Variants in SLC25A21 observed in about 807,000 individuals in gnomAD.
The protein encoded by SLC25A21 is mitochondrial 2-oxodicarboxylate carrier.
A neutral mutation model predicts 43.8 loss-of-function variants in SLC25A21; 47 were observed. The observed-to-expected ratio is 1.07, with a 90% CI of 0.85 to 1.37. The LOEUF (loss-of-function observed/expected upper bound fraction) is 1.37, where lower values mean the gene tolerates loss of function less well. SLC25A21 is among the 40% of genes most tolerant of loss of function. SLC25A21 has a pLI of 0.00. For missense variants in SLC25A21, 352 were observed against 350.2 expected (o/e 1.00, Z -0.04); for synonymous variants, 131 against 121.3 (o/e 1.08, Z -0.52).
chr14:36,892,889 T>G (rs1594673430), intron 1 of SLC25A21, among the ~76,000 whole-genome samples: 1 of 152,184 alleles, frequency 6.6e-6, no homozygotes, highest in African/African-American at 2.4e-5. Flanking sequence ...CATCCTTTTT[T>G]ATGGCTGCAT....
intron 3 of SLC25A21, among the ~76,000 whole-genome samples, chr14:36,747,271 G>A (rs1885536762): frequency 6.6e-6 from 1 of 152,044 alleles, no homozygotes; most frequent in Non-Finnish European, 1.5e-5. Flanking sequence ...ATGAGTGTGG[G>A]CTCTGGAGCC....
At chr14:36,894,090 G>C (rs1891167570) in intron 1 of SLC25A21, among the ~76,000 whole-genome samples, 2 of 152,144 alleles carry the variant, frequency 1.3e-5, no homozygotes, top group Non-Finnish European at 1.5e-5. Context: ...GTCATTGGTA[G>C]CTTGATGGGG....
chr14:37,090,187 G>C (rs1182589350), intron 1 of SLC25A21, among the ~76,000 whole-genome samples: 2 of 152,162 alleles, frequency 1.3e-5, no homozygotes, highest in African/African-American at 4.8e-5. Context: ...CTCCTTTAGG[G>C]CATCTGGGAA....
intron 1 of SLC25A21, among the ~76,000 whole-genome samples, chr14:37,070,038 T>C (rs1464809424): frequency 2.0e-5 from 3 of 152,222 alleles, no homozygotes; most frequent in Non-Finnish European, 4.4e-5. Flanking sequence ...ACCTGTGCCC[T>C]AGAATTCACA....
In SLC25A21 at chr14:36,767,572, G is replaced by C. The variant is rs76708040; in HGVS notation, c.204-32999C>G. ...CAAGAATCTGAAACTAGTTATTTTA[G>C]GGAGAAGGGAACCATCAAATCTTGA... is the stretch of plus-strand genomic sequence containing the variant. On this transcript the variant is annotated intron_variant, in intron 3 of 9. Transcript: ENST00000331299. 6.8e-3 allele frequency among the ~76,000 whole-genome samples: 1,030 copies of C among 152,298 alleles called. 15 individuals are homozygous for C. The highest frequency in any genetic ancestry group is 0.023 in the African/African-American group (970 of 41,562).
rs148923313 is a variant in SLC25A21 at position 36,882,244 on chromosome 14, G to A, written c.71-7240C>T. 1.3e-3 allele frequency among the ~76,000 whole-genome samples: 205 copies of A among 152,210 alleles called. 1 individual carries two copies. Among genetic ancestry groups the A allele is most frequent in the African/African-American group, 4.5e-3 (187 of 41,536 alleles). ...CAAAAAATACAAAAATTAGTCAGGCGTGGTGATGTGCACCTGTAGTCCCAG... is the reference window on the plus strand; with the variant it reads ...CAAAAAATACAAAAATTAGTCAGGCATGGTGATGTGCACCTGTAGTCCCAG... On this transcript the variant is annotated intron_variant, in intron 1 of 9. Transcript: ENST00000331299.
At chr14:37,101,791 C>A (rs77633084) in intron 1 of SLC25A21, among the ~76,000 whole-genome samples, 3,019 of 152,086 alleles carry the variant, frequency 0.02, 45 homozygotes, top group Non-Finnish European at 0.029. Context: ...AAAGAAAATG[C>A]ACTAAAATGT....
chr14:36,987,079 T>C (rs1021702984), intron 1 of SLC25A21, among the ~76,000 whole-genome samples: 1 of 152,296 alleles, frequency 6.6e-6, no homozygotes, highest in South Asian at 2.1e-4. Flanking sequence ...ACTCTGACTT[T>C]GTTCCTATCA....
At chr14:36,775,005 C>A (rs1594576300) in intron 3 of SLC25A21, among the ~76,000 whole-genome samples, 1 of 151,970 alleles carries the variant, frequency 6.6e-6, no homozygotes, top group South Asian at 2.1e-4. Context: ...TACTTATGTA[C>A]AATATAATTT....
At chr14:36,854,940 G>GGC (rs1555332565) in intron 2 of SLC25A21, among the ~76,000 whole-genome samples, 129 of 150,632 alleles carry the variant, frequency 8.6e-4, no homozygotes, top group African/African-American at 3.0e-3. Context: ...AGGTGGGGGG[G>GGC]GGTATTCTGC....
intron 1 of SLC25A21, among the ~76,000 whole-genome samples, chr14:36,977,640 G>T (rs895057170): frequency 1.3e-5 from 2 of 152,138 alleles, no homozygotes; most frequent in African/African-American, 4.8e-5. Context: ...ATGTTCTAAT[G>T]CAAGGGGGGC....
intron 1 of SLC25A21, among the ~76,000 whole-genome samples, chr14:37,056,271 A>C (rs1961824284): frequency 6.6e-6 from 1 of 152,080 alleles, no homozygotes; most frequent in Non-Finnish European, 1.5e-5. Flanking sequence ...CGGGCGGATC[A>C]TAAGGTCAGG....
intron 2 of SLC25A21, among the ~76,000 whole-genome samples, chr14:36,855,895 T>A (rs1889883613): frequency 6.6e-6 from 1 of 152,174 alleles, no homozygotes; most frequent in African/African-American, 2.4e-5. Context: ...CAGGCGGGTA[T>A]TCGGCAATGT....
intron 1 of SLC25A21, among the ~76,000 whole-genome samples, chr14:37,093,501 C>A (rs1030096515): frequency 1.1e-4 from 16 of 152,148 alleles, no homozygotes; most frequent in Admixed American, 3.9e-4. Context: ...TTTGTGGATG[C>A]AAAACTGTGT....
intron 3 of SLC25A21, among the ~76,000 whole-genome samples, chr14:36,739,330 A>G (rs1885160143): frequency 6.6e-6 from 1 of 152,184 alleles, no homozygotes; most frequent in African/African-American, 2.4e-5. Context: ...ATGAGGAAAA[A>G]ATGAGCCCTA....
intron 1 of SLC25A21, among the ~76,000 whole-genome samples, chr14:37,020,513 T>C (rs1474786501): frequency 6.6e-6 from 1 of 151,940 alleles, no homozygotes; most frequent in Non-Finnish European, 1.5e-5. Flanking sequence ...CTGGACATTC[T>C]GTTACAAAAT....
chr14:37,054,398 A>G (rs1411794086), intron 1 of SLC25A21, among the ~76,000 whole-genome samples: 1 of 152,246 alleles, frequency 6.6e-6, no homozygotes, highest in Non-Finnish European at 1.5e-5. Flanking sequence ...GTGATATAAA[A>G]TACAATTTTT....
intron 3 of SLC25A21, among the ~76,000 whole-genome samples, chr14:36,763,741 A>C (rs1886253201): frequency 6.6e-6 from 1 of 151,934 alleles, no homozygotes; most frequent in Non-Finnish European, 1.5e-5. Flanking sequence ...GAAATTGTTT[A>C]GCTTCCCAGG....
chr14:36,841,451 G>C (rs1377323235), intron 2 of SLC25A21, among the ~76,000 whole-genome samples: 1 of 152,004 alleles, frequency 6.6e-6, no homozygotes, highest in Admixed American at 6.6e-5. Context: ...AGTCTGCCAG[G>C]CTAGAAACCT....
Sources: gnomAD v4.1 joint callset for allele counts (sites outside exome capture counted in the v4.1 genomes callset) on GRCh38, gnomAD v4.1.1 for gene constraint, MANE v1.5 for transcripts, NCBI Gene and HGNC (gene_info 2026-07-23, HGNC 2026-07-21) for gene names.